The following TRAM2 variants were observed in gnomAD, a reference collection of about 807,000 sequenced individuals.
The protein encoded by TRAM2 is translocation associated membrane protein 2.
In TRAM2, 12 loss-of-function variants were observed where a neutral mutation model predicts 51.0. That is an observed-to-expected ratio of 0.24 (90% CI 0.15 to 0.38). The LOEUF (loss-of-function observed/expected upper bound fraction) is 0.38, where lower values mean the gene tolerates loss of function less well. Among genes scored for constraint, TRAM2 ranks in the 10% least tolerant of loss-of-function variants. The pLI is 1.00. For missense variants in TRAM2, 361 were observed against 462.0 expected (o/e 0.78, Z 2.00); for synonymous variants, 175 against 179.4 (o/e 0.98, Z 0.20).
chr6:52,509,047 AAAAAC>A (rs1300327564), intron 5 of TRAM2, among the ~76,000 whole-genome samples: 2 of 152,066 alleles, frequency 1.3e-5, no homozygotes, highest in Non-Finnish European at 2.9e-5. Context: ...AAAAAAGACA[AAAAAC>A]AAAGATCTCG....
At chr6:52,576,200 T>C (rs1767761740) in intron 1 of TRAM2, among the ~76,000 whole-genome samples, 1 of 152,152 alleles carries the variant, frequency 6.6e-6, no homozygotes, top group Non-Finnish European at 1.5e-5. Context: ...ATTGGCCTTC[T>C]AGAGCACAGC....
chr6:52,551,612 C>A (rs1416131689), intron 1 of TRAM2, among the ~76,000 whole-genome samples: 1 of 152,236 alleles, frequency 6.6e-6, no homozygotes, highest in African/African-American at 2.4e-5. Context: ...CCAAGCTTCC[C>A]TGGCCCGTGT....
chr6:52,541,658 C>T lies in TRAM2; in HGVS notation c.121-5812G>A, dbSNP rs144935342. On this transcript the variant is annotated intron_variant, in intron 1 of 10. Transcript: ENST00000182527. ...ACCTGCCAGCCACAGGCACTGGGTA[C>T]ACCTAGGCTTCCAGATGCCCAGATA... is the stretch of plus-strand genomic sequence containing the variant. Among the ~76,000 whole-genome samples the T allele has an allele frequency of 4.1e-3, 625 of 152,316 alleles. 11 individuals carry two copies. In the South Asian group the frequency reaches 0.062, roughly 15 times the overall value.
At chr6:52,571,430 C>T (rs1285988663) in intron 1 of TRAM2, among the ~76,000 whole-genome samples, 3 of 152,200 alleles carry the variant, frequency 2.0e-5, no homozygotes, top group South Asian at 2.1e-4. Flanking sequence ...TCTGTTGTGA[C>T]CGGTCCGGAC....
chr6:52,574,520 A>G (rs1581706656), intron 1 of TRAM2, among the ~76,000 whole-genome samples: 1 of 152,200 alleles, frequency 6.6e-6, no homozygotes, highest in South Asian at 2.1e-4. Context: ...AAGTACCTCC[A>G]AAAGAAGGAG....
At chr6:52,537,104 C>G (rs1015382612) in intron 1 of TRAM2, among the ~76,000 whole-genome samples, 3 of 152,204 alleles carry the variant, frequency 2.0e-5, no homozygotes, top group Non-Finnish European at 4.4e-5. Flanking sequence ...CCCTGGTCAA[C>G]AAGACCCATC....
In TRAM2 at chr6:52,503,330, G is replaced by C. The variant is rs1354464734; in HGVS notation, c.1040-60C>G. On this transcript the variant is annotated intron_variant, in intron 10 of 10. Transcript: ENST00000182527. ...TTCTGCTGGAGCTAAGGCAGAAGAG[G>C]GGAGGGTGGGGCCAGGCCAAGGAAG... 21 of 1,508,362 alleles carry C rather than the reference G, an allele frequency of 1.4e-5. 1 individual carries two copies. The Admixed American group carries it at 1.7e-4, about 12-fold the overall frequency. 93.4% of individuals were successfully genotyped at this position (1,508,362 alleles called of 1,614,324 possible). A position where few individuals can be genotyped will look rare whatever the true frequency, so the allele number is the denominator to read the frequency against.
intron 1 of TRAM2, among the ~76,000 whole-genome samples, chr6:52,554,918 T>C (rs551753061): frequency 5.3e-5 from 8 of 152,092 alleles, no homozygotes; most frequent in South Asian, 4.2e-4. Flanking sequence ...CACGCCACCA[T>C]GCCGAGGCTG....
chr6:52,568,402 A>G (rs1767625131), intron 1 of TRAM2, among the ~76,000 whole-genome samples: 2 of 152,256 alleles, frequency 1.3e-5, no homozygotes, highest in South Asian at 4.1e-4. Flanking sequence ...AAGTTGGACT[A>G]CAAACTAAAA....
chr6:52,574,015 CA>C (rs1767723098), intron 1 of TRAM2, among the ~76,000 whole-genome samples: 1 of 152,158 alleles, frequency 6.6e-6, no homozygotes, highest in South Asian at 2.1e-4. Flanking sequence ...GTCAGAACCC[CA>C]AAAGCCTATG....
intron 1 of TRAM2, among the ~76,000 whole-genome samples, chr6:52,553,835 G>T (rs1436114292): frequency 4.6e-5 from 7 of 152,322 alleles, no homozygotes; most frequent in African/African-American, 1.7e-4. Flanking sequence ...ACAAGGCCTA[G>T]CACATCACAG....
chr6:52,515,761 C>G lies in TRAM2; in HGVS notation c.411+245G>C, dbSNP rs1000969280. The G allele has an allele frequency of 1.1e-5, 5 of 471,792 alleles. No homozygotes were observed. The Admixed American group carries it at 1.8e-4, about 17-fold the overall frequency. 29.2% of individuals were successfully genotyped at this position (471,792 alleles called of 1,614,324 possible). On this transcript the variant is annotated intron_variant, in intron 4 of 10. Transcript: ENST00000182527. ...CTGCAGTATTGCATAATGATTATAA[C>G]AAGTGGTGACTGTTGGCCAAGATGA...
At position 52,501,335 on chromosome 6, in the gene TRAM2, G is replaced by C. The variant is rs1309206731; in HGVS notation, c.*1862C>G. 1 of 152,178 alleles carries C rather than the reference G, an allele frequency of 6.6e-6. No individual in the cohort carries two copies. Among genetic ancestry groups the C allele is most frequent in the East Asian group, 1.9e-4 (1 of 5,200 alleles). 9.4% of individuals were successfully genotyped at this position (152,178 alleles called of 1,614,324 possible). ...TAGGAAACAAATCCCTCAGTTACTG[G>C]GAAGCTAAAATTTATCTATGATGTA... On this transcript the variant is annotated 3_prime_UTR_variant, in exon 11 of 11. Transcript: ENST00000182527.
chr6:52,503,730 G>C lies in TRAM2; in HGVS notation c.1040-460C>G, dbSNP rs910412962. On this transcript the variant is annotated intron_variant, in intron 10 of 10. Transcript: ENST00000182527. ...GAGCAGTGGCCACAGAAGGGAGGGG[G>C]ACAAGAGGCTGTAGGAACAAGGCCT... Among the ~76,000 whole-genome samples, 4 of 152,196 alleles carry C rather than the reference G, an allele frequency of 2.6e-5. No individual in the cohort carries two copies. The East Asian group carries it at 5.8e-4, about 22-fold the overall frequency.
intron 2 of TRAM2, chr6:52,522,816 G>A: frequency 1.5e-6 from 1 of 680,458 alleles, no homozygotes; most frequent in Non-Finnish European, 2.7e-6. Flanking sequence ...CTTTTGGGGA[G>A]TCACATTCTG....
At chr6:52,538,742 AT>A (rs1394113623) in intron 1 of TRAM2, among the ~76,000 whole-genome samples, 4 of 151,968 alleles carry the variant, frequency 2.6e-5, no homozygotes, top group East Asian at 1.9e-4. Context: ...GAACTTTTGC[AT>A]TTTTTTTAAA....
chr6:52,541,801 C>CTTTTTTTTTTTTTT (rs113470524), intron 1 of TRAM2, among the ~76,000 whole-genome samples: 3 of 75,180 alleles, frequency 4.0e-5, no homozygotes, highest in Non-Finnish European at 8.2e-5. Context: ...TCAGTTTATT[C>CTTTTTTTTTTTTTT]TGTTTTTTTT....
intron 1 of TRAM2, among the ~76,000 whole-genome samples, chr6:52,574,071 G>A (rs918317313): frequency 1.3e-5 from 2 of 152,052 alleles, no homozygotes; most frequent in Admixed American, 6.5e-5. Context: ...TCTTCCTGCC[G>A]TCACTTCTAG....
chr6:52,575,099 T>C (rs1767741631), intron 1 of TRAM2, among the ~76,000 whole-genome samples: 1 of 152,262 alleles, frequency 6.6e-6, no homozygotes, highest in Admixed American at 6.5e-5. Context: ...GTTAAGCTAT[T>C]ATTATGATAA....
Sources: allele counts gnomAD v4.1 joint callset (sites outside exome capture counted in the v4.1 genomes callset), GRCh38; gene constraint gnomAD v4.1.1; transcripts MANE v1.5; gene names NCBI Gene and HGNC (gene_info 2026-07-23, HGNC 2026-07-21).